Variants in CASZ1 observed in about 807,000 individuals in gnomAD.
The protein encoded by CASZ1 is castor zinc finger 1.
CASZ1 carries 28 observed loss-of-function variants against 135.2 expected under a neutral mutation model. The ratio of observed to expected loss-of-function variants is 0.21; its 90% confidence interval spans 0.15 to 0.28. CASZ1 has a LOEUF of 0.28. Ranked by LOEUF, CASZ1 falls within the 10% of genes least tolerant of loss-of-function variation. The pLI, the probability that CASZ1 is intolerant of heterozygous loss-of-function variation, is 1.00. For synonymous variants in CASZ1, 1,068 were observed against 1,073.4 expected (o/e 0.99, Z 0.10); for missense variants, 2,161 against 2,453.3 (o/e 0.88, Z 2.52).
chr1:10,649,082 A>G lies in CASZ1; in HGVS notation c.3146T>C (p.Ile1049Thr). The change falls in exon 15 of 21, where the codon ATC becomes ACC. Residue 1049 changes from isoleucine (I) to threonine (T), a missense_variant. Ile to Thr is a moderately conservative substitution (Grantham distance 89, BLOSUM62 -1). Transcript: ENST00000377022. Reference sequence around the variant, plus strand: ...GCACCCTACTCACTTTGCGTGCTTGATGGCCCCGTCCAAGGTGCTGAAGAG... The same window carrying G: ...GCACCCTACTCACTTTGCGTGCTTGGTGGCCCCGTCCAAGGTGCTGAAGAG... ...GALFSTLDGA[I>T]KHANFHFRTE... 1 of 1,613,178 alleles carries G rather than the reference A, an allele frequency of 6.2e-7. No individual in the cohort carries two copies. The highest frequency in any genetic ancestry group is 1.3e-5 in the African/African-American group (1 of 75,048).
chr1:10,763,796 C>T (rs1450451395), intron 1 of CASZ1, among the ~76,000 whole-genome samples: 2 of 152,240 alleles, frequency 1.3e-5, no homozygotes, highest in Non-Finnish European at 2.9e-5. Context: ...TCCCTGACTT[C>T]AGGTCAGAGT....
intron 2 of CASZ1, among the ~76,000 whole-genome samples, chr1:10,731,190 T>C (rs1639696467): frequency 6.6e-6 from 1 of 152,204 alleles, no homozygotes; most frequent in Non-Finnish European, 1.5e-5. Flanking sequence ...ATAACTGATG[T>C]GTGAGGTTAC....
chr1:10,710,992 G>A (rs1268717728), intron 2 of CASZ1, among the ~76,000 whole-genome samples: 4 of 152,356 alleles, frequency 2.6e-5, no homozygotes, highest in South Asian at 2.1e-4. Context: ...TTAGCCGGGT[G>A]TGGTGGTGCA....
At chr1:10,669,773 G>A (rs1643347572) in intron 4 of CASZ1, among the ~76,000 whole-genome samples, 4 of 152,154 alleles carry the variant, frequency 2.6e-5, no homozygotes, top group Admixed American at 2.6e-4. Context: ...GTGGGTGGGT[G>A]GGGGTCTGTC....
intron 4 of CASZ1, among the ~76,000 whole-genome samples, chr1:10,675,139 C>T (rs568204765): frequency 3.0e-4 from 46 of 152,348 alleles, no homozygotes; most frequent in African/African-American, 9.1e-4. Flanking sequence ...GAAAAGCTCA[C>T]GGCAGGTCCC....
intron 4 of CASZ1, among the ~76,000 whole-genome samples, chr1:10,685,036 G>A (rs1378263109): frequency 6.6e-6 from 1 of 152,258 alleles, no homozygotes; most frequent in Non-Finnish European, 1.5e-5. Context: ...TTTATCAGAT[G>A]AGCATGGCCT....
At chr1:10,641,517 C>T (rs1479955047) in intron 20 of CASZ1, among the ~76,000 whole-genome samples, 3 of 152,196 alleles carry the variant, frequency 2.0e-5, no homozygotes, top group East Asian at 3.9e-4. Flanking sequence ...TGAGCACTGC[C>T]GGGGCCTGAG....
intron 4 of CASZ1, among the ~76,000 whole-genome samples, chr1:10,678,310 C>T (rs999336090): frequency 3.3e-5 from 5 of 151,818 alleles, no homozygotes; most frequent in African/African-American, 1.2e-4. Context: ...CTGTGGAGGG[C>T]TTGAGCAGTT....
intron 11 of CASZ1, 120 bp downstream of exon 11, chr1:10,653,257 A>G (rs753714621): frequency 9.4e-7 from 1 of 1,066,376 alleles, no homozygotes; most frequent in Non-Finnish European, 1.4e-6. Flanking sequence ...GGTGCTGGCA[A>G]GCAGGGGCCA....
rs200900927 is a variant in CASZ1 at position 10,665,182 on chromosome 1, C to G, written c.406G>C (p.Ala136Pro). The change falls in exon 5 of 21, where the codon GCG becomes CCG. Residue 136 changes from alanine (A) to proline (P), a missense_variant. Coordinates refer to ENST00000377022, the MANE Select transcript of CASZ1 (RefSeq NM_001079843.3). Reference sequence around the variant, plus strand: ...CCGCCGTCCTTGGAGGGCTCCTCCGCGTGGTCTTCCTCATCGCTGCACCCC... The same window carrying G: ...CCGCCGTCCTTGGAGGGCTCCTCCGGGTGGTCTTCCTCATCGCTGCACCCC... ...PQGCSDEEDH[A>P]EEPSKDGGAL... 1.2e-3 allele frequency: 1,918 copies of G among 1,569,652 alleles called. 13 individuals are homozygous for G. The highest frequency in any genetic ancestry group is 2.9e-4 in the Non-Finnish European group (331 of 1,154,464).
intron 8 of CASZ1, 77 bp downstream of exon 8, chr1:10,656,569 C>A: frequency 1.8e-6 from 2 of 1,142,742 alleles, no homozygotes; most frequent in Non-Finnish European, 2.6e-6. Flanking sequence ...CCACTGCCGT[C>A]CCCGCCTGCC....
intron 1 of CASZ1, among the ~76,000 whole-genome samples, chr1:10,785,112 C>CCTTCTTTCCTTT (rs1379860326): frequency 4.0e-5 from 6 of 148,890 alleles, no homozygotes; most frequent in African/African-American, 7.4e-5. Context: ...TCTTTTCCTT[C>CCTTCTTTCCTTT]CTTCCTTCTT....
intron 2 of CASZ1, among the ~76,000 whole-genome samples, chr1:10,716,244 A>C (rs946777892): frequency 1.8e-5 from 2 of 108,556 alleles, no homozygotes; most frequent in Admixed American, 9.2e-5. Flanking sequence ...CCCAATCCCC[A>C]CCCCATAGCA....
In CASZ1 at chr1:10,701,509, C is replaced by T. The variant is rs1639059903; in HGVS notation, c.-24+3983G>A. On this transcript the variant is annotated intron_variant, in intron 3 of 20. Transcript: ENST00000377022. The surrounding 1 kb of genome is among the most constrained non-coding windows in gnomAD (Gnocchi z 6.3). ...CCCCCTCTCGCCAAAGCTCGCCCTT[C>T]AGAGTGATGGAGTGATGGGAGGAGG... Among the ~76,000 whole-genome samples the T allele has an allele frequency of 6.6e-6, 1 of 152,104 alleles. No individual in the cohort carries two copies. Among genetic ancestry groups the T allele is most frequent in the African/African-American group, 2.4e-5 (1 of 41,408 alleles).
intron 2 of CASZ1, among the ~76,000 whole-genome samples, chr1:10,736,571 A>T (rs1267678009): frequency 6.6e-6 from 1 of 152,238 alleles, no homozygotes; most frequent in African/African-American, 2.4e-5. Context: ...GCAGATGAGT[A>T]CATGGAGTCC....
At chr1:10,761,530 G>A (rs551713984) in intron 1 of CASZ1, among the ~76,000 whole-genome samples, 101 of 152,168 alleles carry the variant, frequency 6.6e-4, no homozygotes, top group Non-Finnish European at 1.2e-3. Context: ...ATTCAGTTGC[G>A]ATAGGTGTTG....
chr1:10,656,778 A>G lies in CASZ1; in HGVS notation c.1410-42T>C, dbSNP rs1169940964. ...TGGGGTCAGGGCCCTGCTGTGGGTG[A>G]CAGTCCCAGCCCCAGCCCCAGCCCC... On this transcript the variant is annotated intron_variant, in intron 7 of 20. Coordinates refer to ENST00000377022, the MANE Select transcript of CASZ1 (RefSeq NM_001079843.3). The G allele has an allele frequency of 2.2e-6, 3 of 1,360,014 alleles. No individual in the cohort carries two copies. The African/African-American group carries it at 4.3e-5, about 19-fold the overall frequency. 84.2% of individuals were successfully genotyped at this position (1,360,014 alleles called of 1,614,324 possible). A position where few individuals can be genotyped will look rare whatever the true frequency, so the allele number is the denominator to read the frequency against.
At chr1:10,644,818 G>A in intron 18 of CASZ1, 99 bp downstream of exon 18, 2 of 1,264,180 alleles carry the variant, frequency 1.6e-6, no homozygotes, top group South Asian at 1.4e-5. Context: ...CCTGCGGTGG[G>A]GAACAGGACG....
chr1:10,695,071 C>T (rs1187843259), intron 3 of CASZ1, among the ~76,000 whole-genome samples: 2 of 151,384 alleles, frequency 1.3e-5, no homozygotes, highest in Admixed American at 6.6e-5. Context: ...TTCCCTGCTC[C>T]CCTGCCCGCT....
Sources: allele counts gnomAD v4.1 joint callset (sites outside exome capture counted in the v4.1 genomes callset), GRCh38; gene constraint gnomAD v4.1.1; non-coding constraint Gnocchi (gnomAD v3.1); transcripts MANE v1.5; gene names NCBI Gene and HGNC (gene_info 2026-07-23, HGNC 2026-07-21).